The following PREX2 variants were observed in gnomAD, a reference collection of about 807,000 sequenced individuals.
The protein encoded by PREX2 is phosphatidylinositol-3,4,5-trisphosphate dependent Rac exchange factor 2, also known as phosphatidylinositol 3,4,5-trisphosphate-dependent Rac exchanger 2 protein.
In PREX2, 107 loss-of-function variants were observed where a neutral mutation model predicts 203.2. The observed-to-expected ratio is 0.53, with a 90% CI of 0.45 to 0.62. The LOEUF (loss-of-function observed/expected upper bound fraction) is 0.62. Ranked by LOEUF, PREX2 falls within the 20% of genes least tolerant of loss-of-function variation. PREX2 has a pLI of 0.00. For synonymous variants in PREX2, 672 were observed against 663.6 expected, an observed-to-expected ratio of 1.01 and a Z score of -0.19; for missense variants, 1,777 against 1,955.9, an observed-to-expected ratio of 0.91 and a Z score of 1.72.
intron 3 of PREX2, among the ~76,000 whole-genome samples, chr8:68,021,090 CA>C (rs1563503784): frequency 6.6e-6 from 1 of 152,084 alleles, no homozygotes; most frequent in Non-Finnish European, 1.5e-5. Context: ...GAAAATCTTA[CA>C]AATAGAAGGG....
Position 68,198,649 on chromosome 8 carries a change from C to T in PREX2, c.4604+6124C>T, listed in dbSNP as rs142105141. 3.3e-3 allele frequency among the ~76,000 whole-genome samples: 507 copies of T among 152,228 alleles called. 3 individuals carry two copies. Among genetic ancestry groups the T allele is most frequent in the African/African-American group, 0.012 (483 of 41,542 alleles). ...GCATGAGTCTGACTGAGTCCAAAAA[C>T]AAAAATGCCATTTTCCTCCCTCCAC... On this transcript the variant is annotated intron_variant, in intron 37 of 39. Transcript: ENST00000288368.
At chr8:68,077,518 G>C in intron 15 of PREX2, 49 bp downstream of exon 15, 1 of 1,356,134 alleles carries the variant, frequency 7.4e-7, no homozygotes, top group South Asian at 1.2e-5. Context: ...CATCACGTTG[G>C]TTCTTAGGAT....
intron 10 of PREX2, among the ~76,000 whole-genome samples, chr8:68,058,004 G>A (rs1808730210): frequency 6.6e-6 from 1 of 152,210 alleles, no homozygotes; most frequent in African/African-American, 2.4e-5. Context: ...CTGATAGGTA[G>A]GAGAGACTCA....
chr8:68,082,606 C>T (rs1809562965), intron 17 of PREX2: 3 of 152,236 alleles, frequency 2.0e-5, no homozygotes, highest in Admixed American at 6.5e-5. Context: ...CTCTCTCAGG[C>T]TTTCATCATT....
chr8:67,988,817 G>A (rs1380825167), intron 1 of PREX2, among the ~76,000 whole-genome samples: 1 of 152,206 alleles, frequency 6.6e-6, no homozygotes, highest in Non-Finnish European at 1.5e-5. Context: ...GGTGGAGAGA[G>A]CCTGTGCCCC....
At position 68,234,208 on chromosome 8, in the gene PREX2, A is replaced by G. The variant is rs1299174178; in HGVS notation, c.*2830A>G. ...GAATAATGACAATTTTTTCAATGCCATATGTACCTCCATGTGACATTGGGC... is the reference window on the plus strand; with the variant it reads ...GAATAATGACAATTTTTTCAATGCCGTATGTACCTCCATGTGACATTGGGC... On this transcript the variant is annotated 3_prime_UTR_variant, in exon 40 of 40. Coordinates refer to ENST00000288368, the MANE Select transcript of PREX2 (RefSeq NM_024870.4). 6.6e-6 allele frequency: 1 copy of G among 152,188 alleles called. No individual in the cohort carries two copies. The highest frequency in any genetic ancestry group is 1.5e-5 in the Non-Finnish European group (1 of 68,024). The allele number at this position is 152,188 out of a possible 1,614,324, so 9.4% of individuals were successfully genotyped here.
In PREX2 at chr8:68,053,209, GT is replaced by G; in HGVS notation, c.1059del (p.Phe353LeufsTer5). On this transcript the variant is annotated frameshift_variant, in exon 9 of 40. Coordinates refer to ENST00000288368, the MANE Select transcript of PREX2 (RefSeq NM_024870.4). LOFTEE classifies it high-confidence loss of function. ...AKTPEEKHEW[F>X]EAILKERERR... ...AAACACCTGAAGAGAAGCATGAATG[GT>G]TTGAAGCTATTTTGAAAGAAAGAGA... is the stretch of plus-strand genomic sequence containing the variant. 6.2e-7 allele frequency: 1 copy of G among 1,613,734 alleles called. No homozygotes were observed. Among genetic ancestry groups the G allele is most frequent in the South Asian group, 1.1e-5 (1 of 91,058 alleles).
At chr8:68,115,268 T>G (rs1296198950) in intron 25 of PREX2, among the ~76,000 whole-genome samples, 1 of 152,160 alleles carries the variant, frequency 6.6e-6, no homozygotes, top group Non-Finnish European at 1.5e-5. Flanking sequence ...CCTTAGGTGA[T>G]CCGCCTGCCT....
chr8:68,098,938 GTATATATATATATATATATATATATATA>G (rs71253061), intron 22 of PREX2, among the ~76,000 whole-genome samples: 1 of 109,820 alleles, frequency 9.1e-6, no homozygotes, highest in African/African-American at 3.8e-5. Context: ...ATATATATGT[GTATATATATATATATATATATATATATA>G]TATATATATA....
intron 35 of PREX2, among the ~76,000 whole-genome samples, chr8:68,184,154 C>T (rs377709543): frequency 1.4e-4 from 22 of 152,294 alleles, no homozygotes; most frequent in Admixed American, 3.9e-4. Context: ...TTAATATTCT[C>T]CCACCTTTCC....
intron 30 of PREX2, among the ~76,000 whole-genome samples, chr8:68,125,838 T>C (rs1810874870): frequency 6.6e-6 from 1 of 152,022 alleles, no homozygotes; most frequent in Admixed American, 6.6e-5. Flanking sequence ...GTCTCTTCAG[T>C]TTTTCCCTTT....
intron 7 of PREX2, among the ~76,000 whole-genome samples, chr8:68,039,721 G>C (rs573043701): frequency 2.6e-5 from 4 of 152,044 alleles, no homozygotes; most frequent in Admixed American, 6.6e-5. Flanking sequence ...TTACGAGTTA[G>C]CCTTGGTTCC....
chr8:68,108,154 G>A lies in PREX2; in HGVS notation c.2761G>A (p.Ala921Thr). ...TAGGGCCTGGCCTACTTTTAAACAG[G>A]CCAAATCTAAAATCTCCCCACTGCA... ...KNRAWPTFKQ[A>T]KSKISPLHSS... Residue 921 changes from alanine to threonine, a missense_variant, in exon 24 of 40, where the codon GCC becomes ACC. Coordinates refer to ENST00000288368, the MANE Select transcript of PREX2 (RefSeq NM_024870.4). 1.9e-6 allele frequency: 3 copies of A among 1,613,828 alleles called. No homozygotes were observed. Among genetic ancestry groups the A allele is most frequent in the Non-Finnish European group, 2.5e-6 (3 of 1,179,874 alleles).
chr8:68,151,147 G>A (rs184351834), intron 34 of PREX2, among the ~76,000 whole-genome samples: 240 of 152,186 alleles, frequency 1.6e-3, no homozygotes, highest in African/African-American at 5.4e-3. Flanking sequence ...AGGGCTGAAT[G>A]TGATGGCTCA....
chr8:68,206,138 A>G (rs548125963), intron 37 of PREX2, among the ~76,000 whole-genome samples: 2 of 152,318 alleles, frequency 1.3e-5, no homozygotes, highest in Admixed American at 6.5e-5. Flanking sequence ...GAGTCCAAAA[A>G]TGGGTTTTGA....
intron 1 of PREX2, among the ~76,000 whole-genome samples, chr8:68,014,506 G>T (rs1318345182): frequency 6.6e-6 from 1 of 152,094 alleles, no homozygotes; most frequent in Non-Finnish European, 1.5e-5. Flanking sequence ...GCCTGTCTTT[G>T]ACTCACCTGT....
intron 10 of PREX2, among the ~76,000 whole-genome samples, chr8:68,056,431 C>A (rs1585743989): frequency 6.6e-6 from 1 of 152,146 alleles, no homozygotes; most frequent in Non-Finnish European, 1.5e-5. Flanking sequence ...GGTAAAGAGT[C>A]TGAAAATGTG....
intron 30 of PREX2, among the ~76,000 whole-genome samples, chr8:68,123,187 A>G (rs143175483): frequency 6.6e-6 from 1 of 152,176 alleles, no homozygotes; most frequent in Non-Finnish European, 1.5e-5. Context: ...CTGGGAAATT[A>G]ATGAGAGCAA....
At position 68,027,336 on chromosome 8, in the gene PREX2, C is replaced by T. The variant is rs749098435; in HGVS notation, c.543+13C>T. On this transcript the variant is annotated intron_variant, in intron 5 of 39. Coordinates refer to ENST00000288368, the MANE Select transcript of PREX2 (RefSeq NM_024870.4). Reference sequence around the variant, plus strand: ...TCTTATTTTGAAGGTATTTTATGTGCTACCTCATTGTAGCCATTTTCTTGT... The same window carrying T: ...TCTTATTTTGAAGGTATTTTATGTGTTACCTCATTGTAGCCATTTTCTTGT... 6.8e-7 allele frequency: 1 copy of T among 1,470,174 alleles called. No homozygotes were observed. The highest frequency in any genetic ancestry group is 9.5e-7 in the Non-Finnish European group (1 of 1,050,508). 91.1% of individuals were successfully genotyped at this position (1,470,174 alleles called of 1,614,324 possible). A position where few individuals can be genotyped will look rare whatever the true frequency, so the allele number is the denominator to read the frequency against.
Sources: allele counts gnomAD v4.1 joint callset (sites outside exome capture counted in the v4.1 genomes callset), GRCh38; gene constraint gnomAD v4.1.1; transcripts MANE v1.5; gene names NCBI Gene and HGNC (gene_info 2026-07-23, HGNC 2026-07-21).